PAK3: variants seen among roughly 807,000 people sequenced by gnomAD.
The protein encoded by PAK3 is p21 (RAC1) activated kinase 3.
In PAK3, 4 loss-of-function variants were observed where a neutral mutation model predicts 41.0. The ratio of observed to expected loss-of-function variants is 0.10; its 90% CI spans 0.05 to 0.22. The LOEUF (loss-of-function observed/expected upper bound fraction) is 0.22. Ranked by LOEUF, PAK3 falls within the 10% of genes least tolerant of loss-of-function variation. PAK3 has a pLI of 1.00. For missense variants in PAK3, 205 were observed against 409.9 expected (o/e 0.50, Z 4.32); for synonymous variants, 146 against 139.6 (o/e 1.05, Z -0.32).
intron 1 of PAK3, among the ~76,000 whole-genome samples, chrX:110,967,155 C>T (rs1179533432): frequency 3.6e-5 from 4 of 112,580 alleles, no homozygotes; most frequent in African/African-American, 9.7e-5. Flanking sequence ...TCCCTGACTA[C>T]AGTTTGGGAA....
intron 1 of PAK3, among the ~76,000 whole-genome samples, chrX:111,077,007 A>G (rs2092791407): frequency 9.0e-6 from 1 of 111,585 alleles, no homozygotes; most frequent in Non-Finnish European, 1.9e-5. Flanking sequence ...ATACACTAAT[A>G]ATGAACTATC....
chrX:110,955,528 C>T (rs1256629850), intron 1 of PAK3, among the ~76,000 whole-genome samples: 1 of 111,303 alleles, frequency 9.0e-6, no homozygotes, highest in African/African-American at 3.3e-5. Context: ...ACCTCAGCTA[C>T]TAGGGAGGCT....
intron 1 of PAK3, among the ~76,000 whole-genome samples, chrX:110,984,144 A>G (rs1490822289): frequency 8.9e-6 from 1 of 111,808 alleles, no homozygotes; most frequent in Non-Finnish European, 1.9e-5. Flanking sequence ...ACACAAGGGC[A>G]CCATAGCTAT....
At chrX:111,122,251 A>G (rs1167310821) in intron 4 of PAK3, among the ~76,000 whole-genome samples, 5 of 76,628 alleles carry the variant, frequency 6.5e-5, no homozygotes, top group African/African-American at 3.0e-4. Flanking sequence ...GTGAGACTCC[A>G]TCTGAAAAAA....
intron 1 of PAK3, among the ~76,000 whole-genome samples, chrX:110,984,784 G>A (rs1012276971): frequency 1.3e-4 from 14 of 109,879 alleles, no homozygotes; most frequent in African/African-American, 4.0e-4. Flanking sequence ...CCCCGCCCCC[G>A]CCAAATCTCA....
At chrX:111,049,703 A>G (rs752111252) in intron 1 of PAK3, among the ~76,000 whole-genome samples, 2 of 112,351 alleles carry the variant, frequency 1.8e-5, no homozygotes, top group Non-Finnish European at 3.8e-5. Context: ...GCAATAAATA[A>G]TTATCCATTC....
intron 1 of PAK3, among the ~76,000 whole-genome samples, chrX:110,954,745 A>G (rs1350479193): frequency 2.7e-5 from 3 of 112,038 alleles, no homozygotes; most frequent in Non-Finnish European, 5.6e-5. Context: ...TGAATTGTTA[A>G]CTGAGTAAAT....
At chrX:111,209,723 T>C (rs2149376978) in intron 16 of PAK3, among the ~76,000 whole-genome samples, 1 of 112,503 alleles carries the variant, frequency 8.9e-6, no homozygotes, top group South Asian at 3.7e-4. Flanking sequence ...TGTTTTCTAA[T>C]TTCTTAACTT....
At position 111,181,071 on chromosome X, in the gene PAK3, G is replaced by A. The variant is rs577535986; in HGVS notation, c.830+7990G>A. On this transcript the variant is annotated intron_variant, in intron 11 of 17. Coordinates refer to ENST00000372007, the MANE Select transcript of PAK3 (RefSeq NM_002578.5). ...CAACACAGCTGTATTCACTTATTTG[G>A]GATTATAGTCGTATAATAAAAACAC... Among the ~76,000 whole-genome samples, 9 of 111,016 alleles carry A rather than the reference G, an allele frequency of 8.1e-5. No homozygotes were observed. In the South Asian group the frequency reaches 2.3e-3, roughly 28 times the overall value.
In PAK3 at chrX:111,222,424, A is replaced by G. The variant is rs936797796; in HGVS notation, c.*1977A>G. On this transcript the variant is annotated 3_prime_UTR_variant, in exon 18 of 18. Coordinates refer to ENST00000372007, the MANE Select transcript of PAK3 (RefSeq NM_002578.5). ...GAGGCTTGACCTCCTCCCCTTGAAA[A>G]TGTCCACAGTGGGATAAAACAACAA... 2.7e-5 allele frequency: 3 copies of G among 111,891 alleles called. No homozygotes were observed. Among genetic ancestry groups the G allele is most frequent in the African/African-American group, 9.7e-5 (3 of 30,773 alleles). 9.2% of individuals were successfully genotyped at this position (111,891 alleles called of 1,213,427 possible). A position where few individuals can be genotyped will look rare whatever the true frequency, so the allele number is the denominator to read the frequency against.
chrX:111,153,868 C>T (rs1603307639), intron 8 of PAK3, among the ~76,000 whole-genome samples: 1 of 111,905 alleles, frequency 8.9e-6, no homozygotes, highest in South Asian at 3.8e-4. Context: ...GCAATATTCA[C>T]AGTAGGCAAA....
chrX:111,180,036 A>G (rs1310025806), intron 11 of PAK3, among the ~76,000 whole-genome samples: 1 of 111,232 alleles, frequency 9.0e-6, no homozygotes, highest in Admixed American at 9.6e-5. Context: ...GGGATTACAT[A>G]TGAGAGCCAC....
At chrX:111,101,754 C>T (rs1056387793) in intron 3 of PAK3, among the ~76,000 whole-genome samples, 3 of 111,909 alleles carry the variant, frequency 2.7e-5, no homozygotes, top group Non-Finnish European at 5.7e-5. Context: ...GGGGCGAGTA[C>T]ACCATTCAAT....
intron 1 of PAK3, among the ~76,000 whole-genome samples, chrX:111,020,363 A>C: frequency 8.9e-6 from 1 of 112,131 alleles, no homozygotes; most frequent in East Asian, 2.8e-4. Flanking sequence ...CCATACAATC[A>C]GAAAGTAGAA....
rs1325958192 is a variant in PAK3, at chrX:110,962,262, T to C, written c.-28+17634T>C. Among the ~76,000 whole-genome samples, 4 of 112,172 alleles carry C rather than the reference T, an allele frequency of 3.6e-5. No individual in the cohort carries two copies. The South Asian group carries it at 1.1e-3, about 31-fold the overall frequency. ...TTAACTTGGCCTTTTAGAAATACTC[T>C]GACTCCACCAAACCAGAAAGCGGAG... is the stretch of plus-strand genomic sequence containing the variant. On this transcript the variant is annotated intron_variant, in intron 1 of 14. Transcript: ENST00000425146.
chrX:111,102,619 C>G (rs2093165693), intron 3 of PAK3, among the ~76,000 whole-genome samples: 1 of 112,448 alleles, frequency 8.9e-6, no homozygotes, highest in South Asian at 3.7e-4. Context: ...TCAGGAAGCT[C>G]ACATATTCAC....
At chrX:111,210,960 C>T (rs2094812627) in intron 16 of PAK3, among the ~76,000 whole-genome samples, 1 of 111,371 alleles carries the variant, frequency 9.0e-6, no homozygotes, top group Admixed American at 9.6e-5. Flanking sequence ...GGTTGGTCAC[C>T]ATGTTTACCT....
At chrX:111,032,127 T>C (rs1484915865) in intron 1 of PAK3, among the ~76,000 whole-genome samples, 1 of 112,112 alleles carries the variant, frequency 8.9e-6, no homozygotes, top group Admixed American at 9.5e-5. Context: ...GAGAGGGATT[T>C]ACTGGCTTCA....
At chrX:111,181,808 T>G (rs1291158537) in intron 11 of PAK3, among the ~76,000 whole-genome samples, 1 of 109,072 alleles carries the variant, frequency 9.2e-6, no homozygotes, top group Non-Finnish European at 1.9e-5. Context: ...GAAGTGATTC[T>G]TTGGGTAGGA....
Sources: allele counts gnomAD v4.1 joint callset (sites outside exome capture counted in the v4.1 genomes callset), GRCh38; gene constraint gnomAD v4.1.1; transcripts MANE v1.5; gene names NCBI Gene and HGNC (gene_info 2026-07-23, HGNC 2026-07-21).